HDAC10: variants seen among roughly 807,000 people sequenced by gnomAD.
The protein encoded by HDAC10 is polyamine deacetylase HDAC10.
Under a neutral mutation model 82.3 loss-of-function variants are expected in HDAC10, and 90 were observed. The ratio of observed to expected loss-of-function variants is 1.09; its 90% CI spans 0.92 to 1.30. The LOEUF (loss-of-function observed/expected upper bound fraction) is 1.30, where lower values mean the gene tolerates loss of function less well. Among genes scored for constraint, HDAC10 ranks in the 50% most tolerant of loss-of-function variants. The pLI, the probability that HDAC10 is intolerant of heterozygous loss-of-function variation, is 0.00. For missense variants in HDAC10, 934 were observed against 876.3 expected (o/e 1.07, Z -0.83); for synonymous variants, 456 against 391.7 (o/e 1.16, Z -1.94).
In HDAC10 at chr22:50,245,753, G is replaced by T; in HGVS notation, c.1908C>A (p.Ser636=). 6.2e-7 allele frequency: 1 copy of T among 1,611,716 alleles called. No individual in the cohort carries two copies. Residue 636 remains serine, a synonymous_variant, in exon 19 of 20, where the codon TCC becomes TCA. Transcript: ENST00000216271. ...NGEAPPSLGP[S]SVASPEDVQA... ...GGACGTCCTCTGGGGAGGCCACAGAGGAAGGGCCTAGGCTAGGAGGTGCCT... is the reference window on the plus strand; with the variant it reads ...GGACGTCCTCTGGGGAGGCCACAGATGAAGGGCCTAGGCTAGGAGGTGCCT...
Position 50,247,994 on chromosome 22 carries a change from G to A in HDAC10, c.1233C>T (p.Arg411=). Reference sequence around the variant, plus strand: ...CCGGCGTTGTCAGGGCAACAGCGGTGCGGACAGAGGGTGCGGGGCAGAGGC... The same window carrying A: ...CCGGCGTTGTCAGGGCAACAGCGGTACGGACAGAGGGTGCGGGGCAGAGGC... ...QPCLCPAPSV[R]TAVALTTPDI... Residue 411 remains arginine (R), a synonymous_variant, in exon 13 of 20, where the codon CGC becomes CGT. Coordinates refer to ENST00000216271, the MANE Select transcript of HDAC10 (RefSeq NM_032019.6). 1 of 1,612,870 alleles carries A rather than the reference G, an allele frequency of 6.2e-7. No homozygotes were observed. Among genetic ancestry groups the A allele is most frequent in the African/African-American group, 1.3e-5 (1 of 75,054 alleles).
At position 50,248,382 on chromosome 22, in the gene HDAC10, T is replaced by A; in HGVS notation, c.997A>T (p.Met333Leu). ...GDPAPPLSGPMAPCQSALESI... is the reference protein window; with the variant it reads ...GDPAPPLSGPLAPCQSALESI... Reference sequence around the variant, plus strand: ...CCCTCGCACCTCTGACATGGCGCCATTGGCCCTGACAGGGGTGGGGCCGGG... The same window carrying A: ...CCCTCGCACCTCTGACATGGCGCCAATGGCCCTGACAGGGGTGGGGCCGGG... The change falls in exon 11 of 20, where the codon ATG becomes TTG. Residue 333 changes from methionine to leucine, a missense_variant. Met to Leu is a conservative substitution (Grantham distance 15). Transcript: ENST00000216271. The surrounding 1 kb of genome is among the most constrained non-coding windows in gnomAD (Gnocchi z 5.4). The A allele has an allele frequency of 6.2e-7, 1 of 1,610,332 alleles. No individual in the cohort carries two copies.
Position 50,249,588 on chromosome 22 carries a change from C to G in HDAC10, c.563+47G>C, listed in dbSNP as rs750312943. ...ATTTTCCCAGGCCAGGCTGTGCACCCAAAAACTGGGGCTGCAGGGAAGGGT... is the reference window on the plus strand; with the variant it reads ...ATTTTCCCAGGCCAGGCTGTGCACCGAAAAACTGGGGCTGCAGGGAAGGGT... On this transcript the variant is annotated intron_variant, in intron 6 of 19. Coordinates refer to ENST00000216271, the MANE Select transcript of HDAC10 (RefSeq NM_032019.6). This position sits in a 1 kb window ranked among gnomAD's most constrained non-coding sequence, Gnocchi z 4.4. 5.0e-6 allele frequency: 8 copies of G among 1,610,916 alleles called. No homozygotes were observed. In the African/African-American group the frequency reaches 1.1e-4, roughly 22 times the overall value.
chr22:50,245,524 G>T lies in HDAC10; in HGVS notation c.1993C>A (p.Pro665Thr). ...EPQWKMLQCH[P>T]HLVA is the part of the protein sequence containing the mutation. ...GGCCGATTTCAAGCCACCAGGTGAG[G>T]ATGGCACTACAGGAGGAGCCGAGAA... The change falls in exon 20 of 20, where the codon CCT becomes ACT. Residue 665 changes from proline to threonine, a missense_variant. Physicochemically the swap from Pro to Thr is conservative, Grantham distance 38. Coordinates refer to ENST00000216271, the MANE Select transcript of HDAC10 (RefSeq NM_032019.6). The T allele has an allele frequency of 1.1e-6, 1 of 930,110 alleles. No individual in the cohort carries two copies. Among genetic ancestry groups the T allele is most frequent in the Non-Finnish European group, 1.8e-6 (1 of 557,270 alleles). 57.6% of individuals were successfully genotyped at this position (930,110 alleles called of 1,614,324 possible).
At chr22:50,250,738 GC>G (rs2065070249) in intron 2 of HDAC10, 32 bp downstream of exon 2, 4 of 1,533,528 alleles carry the variant, frequency 2.6e-6, no homozygotes, top group Admixed American at 2.0e-5. Context: ...TGCCCGCCCC[GC>G]CCCCCATCGT....
chr22:50,248,247 G>T lies in HDAC10; in HGVS notation c.1059C>A (p.His353Gln), dbSNP rs755040714. Residue 353 changes from histidine to glutamine, a missense_variant, in exon 12 of 20, where the codon CAC becomes CAA. Coordinates refer to ENST00000216271, the MANE Select transcript of HDAC10 (RefSeq NM_032019.6). This position sits in a 1 kb window ranked among gnomAD's most constrained non-coding sequence, Gnocchi z 5.4. Reference protein sequence around the residue: ...IQSARAAQAPHWKSLQQQDVT... With the variant: ...IQSARAAQAPQWKSLQQQDVT... The stretch of plus-strand genomic sequence containing the variant: ...GACCTTGCTGCTGGAGGCTCTTCCA[G>T]TGCGGGGCCTGGGCAGCACGGGCAC... 6.2e-7 allele frequency: 1 copy of T among 1,612,462 alleles called. No homozygotes were observed. Among genetic ancestry groups the T allele is most frequent in the Non-Finnish European group, 8.5e-7 (1 of 1,179,894 alleles).
rs775850179 is a variant in HDAC10, at chr22:50,249,482, T to C, written c.564-28A>G. ...GCCAACAGCCAGCCAGGGCCAGAGG[T>C]CAAAGGTCAGGACCCTCAACAGCTC... On this transcript the variant is annotated intron_variant, in intron 6 of 19. Coordinates refer to ENST00000216271, the MANE Select transcript of HDAC10 (RefSeq NM_032019.6). This position sits in a 1 kb window ranked among gnomAD's most constrained non-coding sequence, Gnocchi z 4.4. 1.2e-6 allele frequency: 2 copies of C among 1,611,782 alleles called. No individual in the cohort carries two copies. The highest frequency in any genetic ancestry group is 2.2e-5 in the South Asian group (2 of 91,024).
rs778894764 is a variant in HDAC10, at chr22:50,248,318, A to G, written c.1014-26T>C. On this transcript the variant is annotated intron_variant, in intron 11 of 19. Transcript: ENST00000216271. This position sits in a 1 kb window ranked among gnomAD's most constrained non-coding sequence, Gnocchi z 5.4. ...CTGTGAGGGAGACACAACAGTCGTG[A>G]CACCTGGTCTCACACCCCGGCCCTG... The G allele has an allele frequency of 2.5e-6, 4 of 1,611,838 alleles. No homozygotes were observed. The African/African-American group carries it at 5.3e-5, about 22-fold the overall frequency.
intron 17 of HDAC10, 62 bp from the exon 18 acceptor site, chr22:50,246,154 C>A (rs2064939425): frequency 1.3e-6 from 2 of 1,555,994 alleles, no homozygotes; most frequent in Non-Finnish European, 8.7e-7. Flanking sequence ...GGCCTCCCAA[C>A]CTCCCAATCT....
At chr22:50,250,742 C>T (rs766222043) in intron 2 of HDAC10, 29 bp downstream of exon 2, 2 of 1,543,818 alleles carry the variant, frequency 1.3e-6, no homozygotes, top group Admixed American at 4.0e-5. Flanking sequence ...CGCCCCGCCC[C>T]CCATCGTGGG....
At position 50,250,414 on chromosome 22, in the gene HDAC10, C is replaced by T. The variant is rs372427838; in HGVS notation, c.291+13G>A. The T allele has an allele frequency of 1.2e-5, 19 of 1,611,572 alleles. No individual in the cohort carries two copies. Among genetic ancestry groups the T allele is most frequent in the African/African-American group, 2.7e-5 (2 of 74,910 alleles). On this transcript the variant is annotated intron_variant, in intron 3 of 19. Coordinates refer to ENST00000216271, the MANE Select transcript of HDAC10 (RefSeq NM_032019.6). ...GTGTGTCTGCACAGGTGAGTGTGTC[C>T]GGGGACACGCACCGGGTGGAAGTAG...
Position 50,248,574 on chromosome 22 carries a change from C to A in HDAC10, c.906+88G>T. The A allele has an allele frequency of 6.8e-7, 1 of 1,476,186 alleles. No individual in the cohort carries two copies. Among genetic ancestry groups the A allele is most frequent in the Non-Finnish European group, 9.1e-7 (1 of 1,104,246 alleles). The allele number at this position is 1,476,186 out of a possible 1,614,324, so 91.4% of individuals were successfully genotyped here. A position where few individuals can be genotyped will look rare whatever the true frequency, so the allele number is the denominator to read the frequency against. The stretch of plus-strand genomic sequence containing the variant: ...CTCTATCCCGGGCAGGACGCCCCTC[C>A]CAAATACCCCGTGGGCACCTGGCTC... On this transcript the variant is annotated intron_variant, in intron 10 of 19. Coordinates refer to ENST00000216271, the MANE Select transcript of HDAC10 (RefSeq NM_032019.6). This position sits in a 1 kb window ranked among gnomAD's most constrained non-coding sequence, Gnocchi z 5.4.
rs2064998999 is a variant in HDAC10, at chr22:50,248,107, G to C, written c.1120C>G (p.Pro374Ala). ...AVPMSPSSHSPEGRPPPLLPG... is the reference protein window; with the variant it reads ...AVPMSPSSHSAEGRPPPLLPG... ...AGCAGAGGTGGAGGCCTCCCCTCTGGGGAGTGGCTGCTGGGGCTCATCGGC... is the reference window on the plus strand; with the variant it reads ...AGCAGAGGTGGAGGCCTCCCCTCTGCGGAGTGGCTGCTGGGGCTCATCGGC... Residue 374 changes from proline to alanine, a missense_variant, in exon 13 of 20, where the codon CCA (proline) becomes GCA (alanine). By Grantham distance (27) the Pro-to-Ala change is conservative. Coordinates refer to ENST00000216271, the MANE Select transcript of HDAC10 (RefSeq NM_032019.6). The surrounding 1 kb of genome is among the most constrained non-coding windows in gnomAD (Gnocchi z 5.4). The C allele has an allele frequency of 6.3e-7, 1 of 1,591,382 alleles. No homozygotes were observed. Among genetic ancestry groups the C allele is most frequent in the Admixed American group, 1.7e-5 (1 of 58,980 alleles).
chr22:50,248,250 C>T lies in HDAC10; in HGVS notation c.1056G>A (p.Pro352=), dbSNP rs79969721. The T allele has an allele frequency of 1.1e-5, 18 of 1,612,314 alleles. No individual in the cohort carries two copies. Among genetic ancestry groups the T allele is most frequent in the African/African-American group, 2.7e-5 (2 of 74,998 alleles). ...SIQSARAAQA[P]HWKSLQQQDV... ...CTTGCTGCTGGAGGCTCTTCCAGTG[C>T]GGGGCCTGGGCAGCACGGGCACTCT... Residue 352 remains proline (P), a synonymous_variant, in exon 12 of 20, where the codon CCG becomes CCA. Transcript: ENST00000216271. The surrounding 1 kb of genome is among the most constrained non-coding windows in gnomAD (Gnocchi z 5.4).
In HDAC10 at chr22:50,248,211, C is replaced by G; in HGVS notation, c.1081+14G>C. On this transcript the variant is annotated intron_variant, in intron 12 of 19. Coordinates refer to ENST00000216271, the MANE Select transcript of HDAC10 (RefSeq NM_032019.6). The surrounding 1 kb of genome is among the most constrained non-coding windows in gnomAD (Gnocchi z 5.4). ...GAGGTGGGATCCTGCAGCCTAGCAC[C>G]CGGCCACACTGACCTTGCTGCTGGA... 1 of 1,609,696 alleles carries G rather than the reference C, an allele frequency of 6.2e-7. No individual in the cohort carries two copies. Among genetic ancestry groups the G allele is most frequent in the Non-Finnish European group, 8.5e-7 (1 of 1,178,582 alleles).
chr22:50,250,335 G>A (rs1386075262), intron 3 of HDAC10, 92 bp downstream of exon 3: 2 of 1,307,596 alleles, frequency 1.5e-6, no homozygotes, highest in Admixed American at 3.4e-5. Context: ...ATGGACCAGG[G>A]GACACTGGCT....
intron 17 of HDAC10, 57 bp from the exon 18 acceptor site, chr22:50,246,149 C>A: frequency 5.1e-6 from 8 of 1,557,404 alleles, no homozygotes; most frequent in Non-Finnish European, 7.0e-6. Flanking sequence ...GCTCTGGCCT[C>A]CCAACCTCCC....
At chr22:50,247,810 CG>C (rs1569134681) in intron 13 of HDAC10, 34 bp from the exon 14 acceptor site, 5 of 1,612,652 alleles carry the variant, frequency 3.1e-6, no homozygotes, top group Non-Finnish European at 4.2e-6. Flanking sequence ...CACACAGACA[CG>C]GAGTGACCGC....
Position 50,250,489 on chromosome 22 carries a change from C to A in HDAC10, c.229G>T (p.Val77Phe). The A allele has an allele frequency of 2.5e-6, 4 of 1,612,920 alleles. No individual in the cohort carries two copies. The highest frequency in any genetic ancestry group is 3.4e-6 in the Non-Finnish European group (4 of 1,179,970). The change falls in exon 3 of 20, where the codon GTC (valine) becomes TTC (phenylalanine). Residue 77 changes from valine to phenylalanine, a missense_variant. Transcript: ENST00000216271. Reference sequence around the variant, plus strand: ...GCCTGCAGCTCCTCCTTGCCTAGGACCTGGGTCTCCCTGACCAGGGATACA... The same window carrying A: ...GCCTGCAGCTCCTCCTTGCCTAGGAACTGGGTCTCCCTGACCAGGGATACA... The part of the protein sequence containing the change: ...EYVSLVRETQ[V>F]LGKEELQALS...
Sources: gnomAD v4.1 joint callset for allele counts on GRCh38, gnomAD v4.1.1 for gene constraint, Gnocchi (gnomAD v3.1) non-coding constraint, MANE v1.5 for transcripts, NCBI Gene and HGNC (gene_info 2026-07-23, HGNC 2026-07-21) for gene names.